The following CLASP1 variants were observed in gnomAD, a reference collection of about 807,000 sequenced individuals.
CLASP1 encodes cytoplasmic linker associated protein 1, also known as CLIP-associating protein 1.
In CLASP1, 38 loss-of-function variants were observed where a neutral mutation model predicts 192.3. The ratio of observed to expected loss-of-function variants is 0.20; its 90% CI spans 0.15 to 0.26. The LOEUF (loss-of-function observed/expected upper bound fraction) is 0.26, where lower values mean the gene tolerates loss of function less well. CLASP1 is among the 10% of genes least tolerant of loss of function. The pLI is 1.00. For missense variants in CLASP1, 1,433 were observed against 1,932.5 expected (o/e 0.74, Z 4.85); for synonymous variants, 691 against 712.8 (o/e 0.97, Z 0.49).
rs552647585 is a variant in CLASP1 at position 121,411,591 on chromosome 2, T to G, written c.2321-622A>C. Among the ~76,000 whole-genome samples the G allele has an allele frequency of 3.9e-5, 6 of 152,286 alleles. No individual in the cohort carries two copies. In the South Asian group the frequency reaches 1.2e-3, roughly 32 times the overall value. On this transcript the variant is annotated intron_variant, in intron 23 of 39. Coordinates refer to ENST00000263710, the Ensembl canonical transcript of CLASP1. ...CTTTCACTGAAGAACATTAAAAATT[T>G]AGATAATATAAGTTTTACCTGGGTT...
At chr2:121,433,016 T>A (rs1292842866) in intron 19 of CLASP1, among the ~76,000 whole-genome samples, 1 of 152,178 alleles carries the variant, frequency 6.6e-6, no homozygotes, top group Admixed American at 6.5e-5. Context: ...AGAAAGTGTA[T>A]CTGCCAACAG....
chr2:121,487,325 TG>T (rs1170170109), intron 8 of CLASP1, among the ~76,000 whole-genome samples: 2 of 152,198 alleles, frequency 1.3e-5, no homozygotes, highest in African/African-American at 4.8e-5. Flanking sequence ...AATCTTTGTA[TG>T]TTTTGTTTTT....
At chr2:121,575,335 G>A (rs906644978) in intron 2 of CLASP1, among the ~76,000 whole-genome samples, 2 of 151,990 alleles carry the variant, frequency 1.3e-5, no homozygotes, top group African/African-American at 4.8e-5. Context: ...TTAAACTTCC[G>A]ACCTCAGATA....
intron 8 of CLASP1, among the ~76,000 whole-genome samples, chr2:121,479,022 A>ACACACCC (rs2092336387): frequency 3.6e-5 from 2 of 55,562 alleles, no homozygotes; most frequent in African/African-American, 3.2e-4. Context: ...CACACCACAC[A>ACACACCC]CACACACACC....
chr2:121,360,145 G>A (rs1255124871), intron 37 of CLASP1, among the ~76,000 whole-genome samples: 1 of 152,156 alleles, frequency 6.6e-6, no homozygotes, highest in Non-Finnish European at 1.5e-5. Context: ...GGCAAGAGAA[G>A]GGCAGCTGGT....
intron 8 of CLASP1, among the ~76,000 whole-genome samples, chr2:121,477,882 C>T (rs1402252167): frequency 3.3e-5 from 5 of 152,188 alleles, no homozygotes; most frequent in African/African-American, 4.8e-5. Context: ...CTCCTGACAA[C>T]GCTGAGAGAA....
At chr2:121,543,462 T>C (rs1272161373) in intron 2 of CLASP1, among the ~76,000 whole-genome samples, 1 of 152,044 alleles carries the variant, frequency 6.6e-6, no homozygotes, top group Non-Finnish European at 1.5e-5. Context: ...TTCATGATGG[T>C]TTAAGGAAAT....
At chr2:121,368,114 G>A (rs986617091) in intron 34 of CLASP1, among the ~76,000 whole-genome samples, 2 of 152,088 alleles carry the variant, frequency 1.3e-5, no homozygotes, top group African/African-American at 4.8e-5. Flanking sequence ...AGGGATGAAA[G>A]GCTCAGAAGC....
At chr2:121,616,380 G>A (rs574693205) in intron 1 of CLASP1, among the ~76,000 whole-genome samples, 2 of 152,196 alleles carry the variant, frequency 1.3e-5, no homozygotes, top group African/African-American at 4.8e-5. Context: ...CTGGGAGGCG[G>A]AGGTTGCAGT....
chr2:121,461,014 T>C, intron 11 of CLASP1, 87 bp downstream of exon 11: 1 of 797,986 alleles, frequency 1.3e-6, no homozygotes, highest in Non-Finnish European at 2.0e-6. Context: ...TTAGAATTCA[T>C]TAGAGCTGTC....
At chr2:121,639,233 C>T (rs186824402) in intron 1 of CLASP1, among the ~76,000 whole-genome samples, 17 of 151,878 alleles carry the variant, frequency 1.1e-4, no homozygotes, top group East Asian at 5.9e-4. Flanking sequence ...GCCAAGATTG[C>T]GACACTGCAC....
In CLASP1 at chr2:121,389,546, C is replaced by A. The variant is rs544989231; in HGVS notation, c.3124-1640G>T. ...CTACAAGGAGGAAAGAAAGCAGCAG[C>A]CTGGAATTGTAGCAGGGAAAACACA... On this transcript the variant is annotated intron_variant, in intron 30 of 39. Coordinates refer to ENST00000263710, the Ensembl canonical transcript of CLASP1. Among the ~76,000 whole-genome samples, 314 of 151,096 alleles carry A rather than the reference C, an allele frequency of 2.1e-3. 2 individuals are homozygous for A. Among genetic ancestry groups the A allele is most frequent in the African/African-American group, 6.2e-3 (254 of 41,130 alleles).
At position 121,447,518 on chromosome 2, in the gene CLASP1, A is replaced by G. The variant is rs538971898; in HGVS notation, c.1742-11T>C. 16 of 1,547,052 alleles carry G rather than the reference A, an allele frequency of 1.0e-5. No individual in the cohort carries two copies. The South Asian group carries it at 1.8e-4, about 17-fold the overall frequency. Reference sequence around the variant, plus strand: ...TACTAACTGTAGAAGCTTTAGTGATAAAGGAGGAAATATGAATAAGGACTA... The same window carrying G: ...TACTAACTGTAGAAGCTTTAGTGATGAAGGAGGAAATATGAATAAGGACTA... On this transcript the variant is annotated splice_polypyrimidine_tract_variant and intron_variant, in intron 18 of 39. Coordinates refer to ENST00000263710, the Ensembl canonical transcript of CLASP1.
intron 8 of CLASP1, among the ~76,000 whole-genome samples, chr2:121,494,066 A>C (rs780637647): frequency 1.8e-4 from 28 of 152,292 alleles, no homozygotes; most frequent in Non-Finnish European, 2.5e-4. Context: ...TAAAACTAGA[A>C]CTACCATACG....
At position 121,601,328 on chromosome 2, in the gene CLASP1, A is replaced by G. The variant is rs569519162; in HGVS notation, c.195+4373T>C. Among the ~76,000 whole-genome samples the G allele has an allele frequency of 1.4e-3, 208 of 149,190 alleles. 1 individual carries two copies. The highest frequency in any genetic ancestry group is 5.1e-3 in the African/African-American group (204 of 40,178). On this transcript the variant is annotated intron_variant, in intron 2 of 39. Coordinates refer to ENST00000263710, the Ensembl canonical transcript of CLASP1. Reference sequence around the variant, plus strand: ...TGCTCTGTCGCCCAGGCTGGAGTGCAATGCCATGATCTTGGCTCACTGCAA... The same window carrying G: ...TGCTCTGTCGCCCAGGCTGGAGTGCGATGCCATGATCTTGGCTCACTGCAA...
At chr2:121,600,408 T>C (rs919530992) in intron 2 of CLASP1, among the ~76,000 whole-genome samples, 4 of 152,218 alleles carry the variant, frequency 2.6e-5, no homozygotes, top group Non-Finnish European at 5.9e-5. Flanking sequence ...GAGTTGTCCA[T>C]GGTTACAAGC....
chr2:121,399,195 T>G (rs1217700889), intron 28 of CLASP1, among the ~76,000 whole-genome samples: 1 of 152,050 alleles, frequency 6.6e-6, no homozygotes, highest in East Asian at 1.9e-4. Context: ...ATGAAGCAAA[T>G]AGAACTGGTT....
rs1019705550 is a variant in CLASP1 at position 121,420,772 on chromosome 2, T to C, written c.2213-2043A>G. ...ATTTTCTTAATAGTTCTTGCCTGAT[T>C]ATTTCTGAATTCTTCCTAGCCCCAT... On this transcript the variant is annotated intron_variant, in intron 22 of 39. Transcript: ENST00000263710. Among the ~76,000 whole-genome samples, 5 of 152,244 alleles carry C rather than the reference T, an allele frequency of 3.3e-5. No individual in the cohort carries two copies. In the South Asian group the frequency reaches 8.3e-4, roughly 25 times the overall value.
chr2:121,593,860 A>T (rs909622591), intron 2 of CLASP1, among the ~76,000 whole-genome samples: 5 of 150,774 alleles, frequency 3.3e-5, no homozygotes, highest in Admixed American at 2.6e-4. Context: ...AAAATACAAA[A>T]TTAGCCAGGG....
Sources: allele counts gnomAD v4.1 joint callset (sites outside exome capture counted in the v4.1 genomes callset), GRCh38; gene constraint gnomAD v4.1.1; transcripts MANE v1.5; gene names NCBI Gene and HGNC (gene_info 2026-07-23, HGNC 2026-07-21).